The following KLF9 variants were observed in gnomAD, a reference collection of about 807,000 sequenced individuals.
The protein encoded by KLF9 is Krueppel-like factor 9.
Under a neutral mutation model 17.3 loss-of-function variants are expected in KLF9, and 2 were observed. That is an observed-to-expected ratio of 0.12 (90% CI 0.05 to 0.36). The LOEUF (loss-of-function observed/expected upper bound fraction) is 0.36, where lower values mean the gene tolerates loss of function less well. Among genes scored for constraint, KLF9 ranks in the 10% least tolerant of loss-of-function variants. KLF9 has a pLI of 1.00. For synonymous variants in KLF9, 138 were observed against 139.2 expected, an observed-to-expected ratio of 0.99 and a Z score of 0.06; for missense variants, 226 against 333.2, an observed-to-expected ratio of 0.68 and a Z score of 2.51.
Position 70,413,281 on chromosome 9 carries a change from C to G in KLF9, c.83G>C (p.Gly28Ala), listed in dbSNP as rs1275709929. The change falls in exon 1 of 2, where the codon GGG becomes GCG. Residue 28 changes from glycine (G) to alanine (A), a missense_variant. By Grantham distance (60) the Gly-to-Ala change is moderately conservative (BLOSUM62 0). Coordinates refer to ENST00000377126, the MANE Select transcript of KLF9 (RefSeq NM_001206.4). The surrounding 1 kb of genome is among the most constrained non-coding windows in gnomAD (Gnocchi z 5.6). ...ISNRAAVPEH[G>A]VAPDAERLRL... ...CAGCCGCTCGGCGTCCGGAGCGACC[C>G]CATGCTCCGGCACCGCAGCGCGGTT... The G allele has an allele frequency of 1.2e-6, 2 of 1,612,500 alleles. No homozygotes were observed. The highest frequency in any genetic ancestry group is 1.7e-6 in the Non-Finnish European group (2 of 1,179,726).
chr9:70,397,413 T>G (rs1213157333), intron 1 of KLF9, among the ~76,000 whole-genome samples: 1 of 151,866 alleles, frequency 6.6e-6, no homozygotes, highest in Non-Finnish European at 1.5e-5. Flanking sequence ...AGGTGGAGGT[T>G]GCAGTGAGCT....
intron 1 of KLF9, among the ~76,000 whole-genome samples, chr9:70,409,780 A>C (rs1172413362): frequency 6.6e-6 from 1 of 152,246 alleles, no homozygotes; most frequent in Non-Finnish European, 1.5e-5. Context: ...TCCACTGCTT[A>C]AACTTTAGAG....
chr9:70,399,416 C>G (rs1266217320), intron 1 of KLF9, among the ~76,000 whole-genome samples: 1 of 152,224 alleles, frequency 6.6e-6, no homozygotes, highest in African/African-American at 2.4e-5. Flanking sequence ...CCTGCCATCC[C>G]AGACTATGCT....
At chr9:70,409,026 A>G (rs1209497456) in intron 1 of KLF9, among the ~76,000 whole-genome samples, 1 of 124,090 alleles carries the variant, frequency 8.1e-6, no homozygotes, top group Non-Finnish European at 1.7e-5. Context: ...ATATATGTAT[A>G]TATATATATG....
rs2037126664 is a variant in KLF9, at chr9:70,388,065, C to T, written c.506-60G>A. 8 of 1,353,724 alleles carry T rather than the reference C, an allele frequency of 5.9e-6. No homozygotes were observed. In the East Asian group the frequency reaches 7.4e-5, roughly 13 times the overall value. The allele number at this position is 1,353,724 out of a possible 1,614,324, so 83.9% of individuals were successfully genotyped here. ...AGAACATGAAAAAAATTCCGAAGGGCGGTCATGGTCAATAGTCCCTACGAC... is the reference window on the plus strand; with the variant it reads ...AGAACATGAAAAAAATTCCGAAGGGTGGTCATGGTCAATAGTCCCTACGAC... On this transcript the variant is annotated intron_variant, in intron 1 of 1. Coordinates refer to ENST00000377126, the MANE Select transcript of KLF9 (RefSeq NM_001206.4).
In KLF9 at chr9:70,414,418, GGT is replaced by G. The variant is rs2037362677; in HGVS notation, c.-1057_-1056del. On this transcript the variant is annotated 5_prime_UTR_variant, in exon 1 of 2. An upstream open reading frame in the 5' UTR loses its in-frame stop. Transcript: ENST00000377126. ...CCAGCCTTCCAATCAAAAGTAAGTT[GGT>G]TGATGTCACTGGCATTGGCTCGGCC... 1 of 152,232 alleles carries G rather than the reference GGT, an allele frequency of 6.6e-6. No homozygotes were observed. The highest frequency in any genetic ancestry group is 2.1e-4 in the South Asian group (1 of 4,828). The allele number at this position is 152,232 out of a possible 1,614,324, so 9.4% of individuals were successfully genotyped here. A position where few individuals can be genotyped will look rare whatever the true frequency, so the allele number is the denominator to read the frequency against.
intron 1 of KLF9, 25 bp downstream of exon 1, chr9:70,412,834 C>G: frequency 6.5e-7 from 1 of 1,534,262 alleles, no homozygotes; most frequent in African/African-American, 1.4e-5. Flanking sequence ...CCCAGAGCTC[C>G]GGGGGAGAGG....
chr9:70,393,922 T>C (rs548014544), intron 1 of KLF9, among the ~76,000 whole-genome samples: 2 of 151,108 alleles, frequency 1.3e-5, no homozygotes, highest in South Asian at 4.2e-4. Flanking sequence ...CTTGGGAGGC[T>C]GAGGCGGGAA....
At chr9:70,406,999 T>C (rs2037260588) in intron 1 of KLF9, among the ~76,000 whole-genome samples, 1 of 151,222 alleles carries the variant, frequency 6.6e-6, no homozygotes, top group South Asian at 2.1e-4. Context: ...TCATAAGGCA[T>C]TCAGAAATCA....
intron 1 of KLF9, among the ~76,000 whole-genome samples, chr9:70,409,040 ATATATATATACATATATGTG>A (rs2037279789): frequency 2.5e-5 from 3 of 120,030 alleles, no homozygotes; most frequent in African/African-American, 5.9e-5. Context: ...ATATATGTGT[ATATATATATACATATATGTG>A]TATATATATG....
At chr9:70,404,417 T>A (rs961495580) in intron 1 of KLF9, among the ~76,000 whole-genome samples, 2 of 151,790 alleles carry the variant, frequency 1.3e-5, no homozygotes, top group African/African-American at 4.8e-5. Flanking sequence ...CTGGGCAACA[T>A]AGTGAAACCC....
At chr9:70,394,617 A>AG (rs906162663) in intron 1 of KLF9, among the ~76,000 whole-genome samples, 3 of 152,150 alleles carry the variant, frequency 2.0e-5, no homozygotes, top group South Asian at 2.1e-4. Context: ...GGTGAGAAGA[A>AG]GGGGGGGTTA....
Position 70,387,570 on chromosome 9 carries a change from C to T in KLF9, c.*206G>A, listed in dbSNP as rs1017616918. On this transcript the variant is annotated 3_prime_UTR_variant, in exon 2 of 2. Coordinates refer to ENST00000377126, the MANE Select transcript of KLF9 (RefSeq NM_001206.4). ...CAGAGAGTTGCCTCTTCAAGGGGAC[C>T]GAGTGTTGTTGACTTTGATCTTAGG... 9 of 577,278 alleles carry T rather than the reference C, an allele frequency of 1.6e-5. 1 individual carries two copies. The highest frequency in any genetic ancestry group is 5.6e-5 in the African/African-American group (3 of 53,428). The allele number at this position is 577,278 out of a possible 1,614,324, so 35.8% of individuals were successfully genotyped here.
intron 1 of KLF9, 101 bp downstream of exon 1, chr9:70,412,758 C>T: frequency 9.1e-7 from 1 of 1,098,820 alleles, no homozygotes; most frequent in African/African-American, 1.6e-5. Context: ...AACATGTTTG[C>T]ACCCTTTCGG....
chr9:70,406,066 A>C (rs1409850085), intron 1 of KLF9, among the ~76,000 whole-genome samples: 2 of 152,144 alleles, frequency 1.3e-5, no homozygotes, highest in African/African-American at 4.8e-5. Flanking sequence ...AGCCCTTTAA[A>C]CTAAGGTGAA....
Position 70,413,260 on chromosome 9 carries a change from C to G in KLF9, c.104G>C (p.Arg35Pro), listed in dbSNP as rs761700418. ...CACCTCGCGCTCAGGTAGTCGCAGC[C>G]GCTCGGCGTCCGGAGCGACCCCATG... ...PEHGVAPDAE[R>P]LRLPEREVTK... The change falls in exon 1 of 2, where the codon CGG becomes CCG. Residue 35 changes from arginine to proline, a missense_variant. Coordinates refer to ENST00000377126, the MANE Select transcript of KLF9 (RefSeq NM_001206.4). The surrounding 1 kb of genome is among the most constrained non-coding windows in gnomAD (Gnocchi z 5.6). 32 of 1,613,458 alleles carry G rather than the reference C, an allele frequency of 2.0e-5. No individual in the cohort carries two copies. The highest frequency in any genetic ancestry group is 2.2e-5 in the Non-Finnish European group (26 of 1,179,966).
At position 70,391,927 on chromosome 9, in the gene KLF9, G is replaced by A. The variant is rs146024470; in HGVS notation, c.506-3922C>T. Among the ~76,000 whole-genome samples the A allele has an allele frequency of 1.1e-3, 172 of 152,350 alleles. 1 individual carries two copies. The East Asian group carries it at 0.031, about 28-fold the overall frequency. On this transcript the variant is annotated intron_variant, in intron 1 of 1. Coordinates refer to ENST00000377126, the MANE Select transcript of KLF9 (RefSeq NM_001206.4). ...TATCTACAGCTGCATTCTCAAAACA[G>A]CAGTGTTGAGCAGTTGCCCACAGAG...
chr9:70,413,293 A>G lies in KLF9; in HGVS notation c.71T>C (p.Val24Ala). ...CLVSISNRAA[V>A]PEHGVAPDAE... is the part of the protein sequence containing the mutation. ...GTCCGGAGCGACCCCATGCTCCGGC[A>G]CCGCAGCGCGGTTCGAAATGGAAAC... is the stretch of plus-strand genomic sequence containing the variant. The change falls in exon 1 of 2, where the codon GTG (valine) becomes GCG (alanine). Residue 24 changes from valine (V) to alanine (A), a missense_variant. Physicochemically the swap from Val to Ala is moderately conservative, Grantham distance 64. Transcript: ENST00000377126. This position sits in a 1 kb window ranked among gnomAD's most constrained non-coding sequence, Gnocchi z 5.6. 1 of 1,610,586 alleles carries G rather than the reference A, an allele frequency of 6.2e-7. No individual in the cohort carries two copies. Among genetic ancestry groups the G allele is most frequent in the Non-Finnish European group, 8.5e-7 (1 of 1,178,736 alleles).
intron 1 of KLF9, among the ~76,000 whole-genome samples, chr9:70,399,806 T>C (rs2037209593): frequency 6.6e-6 from 1 of 152,258 alleles, no homozygotes; most frequent in South Asian, 2.1e-4. Flanking sequence ...TTCCAGGCCC[T>C]TCCTTCCAAA....
Sources: allele counts gnomAD v4.1 joint callset (sites outside exome capture counted in the v4.1 genomes callset), GRCh38; gene constraint gnomAD v4.1.1; non-coding constraint Gnocchi (gnomAD v3.1); transcripts MANE v1.5; gene names NCBI Gene and HGNC (gene_info 2026-07-23, HGNC 2026-07-21).